ASTN1: variants seen among roughly 807,000 people sequenced by gnomAD.
ASTN1 encodes astrotactin 1.
Under a neutral mutation model 140.7 loss-of-function variants are expected in ASTN1, and 41 were observed. The ratio of observed to expected loss-of-function variants is 0.29; its 90% confidence interval spans 0.23 to 0.38. The LOEUF (loss-of-function observed/expected upper bound fraction) is 0.38. ASTN1 is among the 10% of genes least tolerant of loss of function. The probability of loss-of-function intolerance (pLI) is 1.00; values close to 1 mark genes in which losing one functional copy is unlikely to be tolerated. For synonymous variants in ASTN1, 640 were observed against 652.2 expected (o/e 0.98, Z 0.29); for missense variants, 1,479 against 1,678.8 (o/e 0.88, Z 2.08).
chr1:177,021,389 C>T (rs574230260), intron 7 of ASTN1, among the ~76,000 whole-genome samples: 1 of 152,272 alleles, frequency 6.6e-6, no homozygotes, highest in South Asian at 2.1e-4. Flanking sequence ...GATGGGAGAG[C>T]TTTGCTGTAG....
chr1:177,005,616 T>A (rs1011934792), intron 8 of ASTN1, among the ~76,000 whole-genome samples: 12 of 152,142 alleles, frequency 7.9e-5, no homozygotes, highest in Admixed American at 2.6e-4. Context: ...AAAATGTTTT[T>A]TATATATATA....
At chr1:176,945,645 A>C (rs1035408679) in intron 13 of ASTN1, among the ~76,000 whole-genome samples, 1 of 152,216 alleles carries the variant, frequency 6.6e-6, no homozygotes, top group Admixed American at 6.5e-5. Flanking sequence ...ATGGAGCTTG[A>C]GCATTTTCGT....
chr1:177,162,352 G>A (rs554388360), intron 1 of ASTN1, among the ~76,000 whole-genome samples: 1 of 152,214 alleles, frequency 6.6e-6, no homozygotes, highest in African/African-American at 2.4e-5. Flanking sequence ...CTGACTGGGA[G>A]AGTGGGAGAT....
chr1:176,873,108 A>C (rs1350045344), intron 21 of ASTN1, among the ~76,000 whole-genome samples: 1 of 152,230 alleles, frequency 6.6e-6, no homozygotes, highest in Non-Finnish European at 1.5e-5. Context: ...TTTTGATTCT[A>C]ATTGCTTTTG....
chr1:177,153,397 C>T (rs1369221084), intron 1 of ASTN1, among the ~76,000 whole-genome samples: 3 of 151,744 alleles, frequency 2.0e-5, no homozygotes, highest in Non-Finnish European at 4.4e-5. Context: ...CCAAATAAGC[C>T]TTTTTTTTCT....
intron 16 of ASTN1, among the ~76,000 whole-genome samples, chr1:176,897,570 GAA>G (rs79077210): frequency 6.7e-6 from 1 of 149,240 alleles, no homozygotes; most frequent in Non-Finnish European, 1.5e-5. Context: ...TGAGCGGGAG[GAA>G]AAAAAAATGG....
At chr1:176,939,665 T>C (rs1319762272) in intron 14 of ASTN1, among the ~76,000 whole-genome samples, 2 of 152,172 alleles carry the variant, frequency 1.3e-5, no homozygotes, top group African/African-American at 4.8e-5. Context: ...ACATTTCTGC[T>C]GAATGACTTT....
At chr1:177,091,716 T>G (rs967781257) in intron 1 of ASTN1, among the ~76,000 whole-genome samples, 2 of 152,104 alleles carry the variant, frequency 1.3e-5, no homozygotes, top group Non-Finnish European at 2.9e-5. Context: ...CAGCCCTCCA[T>G]CCTCTAGCAA....
At chr1:177,072,213 A>T (rs946806822) in intron 1 of ASTN1, among the ~76,000 whole-genome samples, 1 of 152,230 alleles carries the variant, frequency 6.6e-6, no homozygotes, top group Admixed American at 6.5e-5. Flanking sequence ...GATATACATC[A>T]ATAGTAAACA....
At chr1:176,985,484 G>T (rs1002013575) in intron 8 of ASTN1, among the ~76,000 whole-genome samples, 4 of 152,126 alleles carry the variant, frequency 2.6e-5, no homozygotes, top group African/African-American at 9.7e-5. Context: ...TAAAAAAAAT[G>T]GAGCCAATCA....
intron 1 of ASTN1, among the ~76,000 whole-genome samples, chr1:177,071,571 T>G (rs746988826): frequency 2.6e-5 from 4 of 152,166 alleles, no homozygotes; most frequent in Admixed American, 6.5e-5. Flanking sequence ...TACAGAGGCC[T>G]AAGCTTACCT....
Position 176,894,690 on chromosome 1 carries a change from G to A in ASTN1, c.2812C>T (p.Arg938Ter), listed in dbSNP as rs758588980. The change falls in exon 17 of 23, where the codon CGA becomes TGA. Residue 938 changes from arginine (R) to a stop codon, truncating the protein, a stop_gained. Coordinates refer to ENST00000361833, the MANE Select transcript of ASTN1 (RefSeq NM_004319.3). LOFTEE classifies it high-confidence loss of function. ...CACAGGGGGCAGGACGAGGGGCATCGTCCCTTGCTGTGGCACTCCATGCGG... is the reference window on the plus strand; with the variant it reads ...CACAGGGGGCAGGACGAGGGGCATCATCCCTTGCTGTGGCACTCCATGCGG... ...GVRMECHSKGRCPSSCPLCHV... is the reference protein window; with the variant it reads ...GVRMECHSKG 1.9e-6 allele frequency: 3 copies of A among 1,614,108 alleles called. No homozygotes were observed. Among genetic ancestry groups the A allele is most frequent in the Admixed American group, 1.7e-5 (1 of 60,016 alleles).
chr1:177,060,336 G>T (rs1678022376), intron 2 of ASTN1, among the ~76,000 whole-genome samples: 1 of 152,184 alleles, frequency 6.6e-6, no homozygotes, highest in Non-Finnish European at 1.5e-5. Flanking sequence ...ATTGTAAGAG[G>T]AGAGAAAGCC....
intron 2 of ASTN1, among the ~76,000 whole-genome samples, chr1:177,052,514 A>C (rs927145282): frequency 6.6e-6 from 1 of 152,230 alleles, no homozygotes; most frequent in East Asian, 1.9e-4. Flanking sequence ...AGTAAATGGC[A>C]GAACTAAGAT....
At chr1:176,979,042 G>A (rs1001609186) in intron 8 of ASTN1, among the ~76,000 whole-genome samples, 2 of 152,192 alleles carry the variant, frequency 1.3e-5, no homozygotes, top group East Asian at 3.9e-4. Flanking sequence ...AAGGGAGTTC[G>A]TGAATATATA....
rs1052133778 is a variant in ASTN1 at position 176,964,668 on chromosome 1, G to A, written c.1598+495C>T. Among the ~76,000 whole-genome samples, 4 of 152,004 alleles carry A rather than the reference G, an allele frequency of 2.6e-5. No homozygotes were observed. The South Asian group carries it at 8.3e-4, about 32-fold the overall frequency. On this transcript the variant is annotated intron_variant, in intron 9 of 22. Transcript: ENST00000361833. ...GTAGGTAAAAGAAAATAATAATGAG[G>A]TAGAGTTTAGAAAAGGGGAAGGCAG... is the stretch of plus-strand genomic sequence containing the variant.
chr1:176,989,532 C>T (rs1674062512), intron 8 of ASTN1, among the ~76,000 whole-genome samples: 1 of 152,024 alleles, frequency 6.6e-6, no homozygotes, highest in South Asian at 2.1e-4. Flanking sequence ...TGATGTCAGC[C>T]ACTTCAGGTC....
chr1:177,086,619 C>T (rs1250758284), intron 1 of ASTN1, among the ~76,000 whole-genome samples: 4 of 152,150 alleles, frequency 2.6e-5, no homozygotes, highest in African/African-American at 9.7e-5. Flanking sequence ...AATGACATGA[C>T]AAATCACTCA....
chr1:176,991,276 G>T (rs1674146187), intron 8 of ASTN1, among the ~76,000 whole-genome samples: 1 of 151,910 alleles, frequency 6.6e-6, no homozygotes, highest in Non-Finnish European at 1.5e-5. Flanking sequence ...AGCCTGGCAT[G>T]GTGGCACATG....
Sources: gnomAD v4.1 joint callset for allele counts (sites outside exome capture counted in the v4.1 genomes callset) on GRCh38, gnomAD v4.1.1 for gene constraint, MANE v1.5 for transcripts, NCBI Gene and HGNC (gene_info 2026-07-23, HGNC 2026-07-21) for gene names.